The following PIK3CB variants were observed in gnomAD, a reference collection of about 807,000 sequenced individuals.
PIK3CB encodes phosphatidylinositol 4,5-bisphosphate 3-kinase catalytic subunit beta isoform.
In PIK3CB, 39 loss-of-function variants were observed where a neutral mutation model predicts 136.8. The observed-to-expected ratio is 0.29, with a 90% CI of 0.22 to 0.37. The LOEUF (loss-of-function observed/expected upper bound fraction) is 0.37, where lower values mean the gene tolerates loss of function less well. Ranked by LOEUF, PIK3CB falls within the 10% of genes least tolerant of loss-of-function variation. The pLI is 1.00. For synonymous variants in PIK3CB, 428 were observed against 436.6 expected (o/e 0.98, Z 0.25); for missense variants, 868 against 1,275.4 (o/e 0.68, Z 4.87).
chr3:138,792,849 C>T (rs1039191912), intron 2 of PIK3CB, among the ~76,000 whole-genome samples: 1 of 152,152 alleles, frequency 6.6e-6, no homozygotes, highest in African/African-American at 2.4e-5. Context: ...CCAATTACAG[C>T]TCACTGCAAC....
At chr3:138,755,152 T>C (rs2045542231) in intron 4 of PIK3CB, among the ~76,000 whole-genome samples, 1 of 152,222 alleles carries the variant, frequency 6.6e-6, no homozygotes, top group Non-Finnish European at 1.5e-5. Context: ...TGTCAATAAT[T>C]TATTTATGGA....
chr3:138,664,441 A>C (rs1190775795), intron 20 of PIK3CB, among the ~76,000 whole-genome samples: 1 of 152,090 alleles, frequency 6.6e-6, no homozygotes. Context: ...CATTTAAGTC[A>C]CTGATTTCAA....
chr3:138,827,067 CAATAAATA>C (rs10651373), intron 1 of PIK3CB, among the ~76,000 whole-genome samples: 2 of 151,102 alleles, frequency 1.3e-5, no homozygotes, highest in Non-Finnish European at 2.9e-5. Flanking sequence ...AAAACTCGGT[CAATAAATA>C]AATAAATAAA....
chr3:138,677,672 G>A (rs1453499531), intron 19 of PIK3CB, among the ~76,000 whole-genome samples: 2 of 152,160 alleles, frequency 1.3e-5, no homozygotes, highest in Non-Finnish European at 2.9e-5. Flanking sequence ...CAAGGCGGGC[G>A]GATCACCTGA....
intron 4 of PIK3CB, among the ~76,000 whole-genome samples, chr3:138,743,322 A>G (rs2045281759): frequency 6.6e-6 from 1 of 152,150 alleles, no homozygotes; most frequent in African/African-American, 2.4e-5. Flanking sequence ...TGTGAACCTA[A>G]AACTGTTCAT....
At chr3:138,732,073 A>G (rs2044988439) in intron 8 of PIK3CB, among the ~76,000 whole-genome samples, 1 of 152,148 alleles carries the variant, frequency 6.6e-6, no homozygotes, top group Non-Finnish European at 1.5e-5. Context: ...CTAAAATTGC[A>G]TATATTTAAG....
chr3:138,828,077 C>T (rs901556952), intron 1 of PIK3CB, among the ~76,000 whole-genome samples: 3 of 151,386 alleles, frequency 2.0e-5, no homozygotes, highest in Non-Finnish European at 2.9e-5. Context: ...AAATCCGGAA[C>T]CAAAAAAAGG....
intron 2 of PIK3CB, among the ~76,000 whole-genome samples, chr3:138,772,702 G>A (rs1430046989): frequency 6.7e-6 from 1 of 148,826 alleles, no homozygotes; most frequent in Non-Finnish European, 1.5e-5. Flanking sequence ...TTGAACTCCT[G>A]AGCTCAAGCA....
intron 1 of PIK3CB, among the ~76,000 whole-genome samples, chr3:138,821,522 C>A (rs1347951763): frequency 6.6e-6 from 1 of 151,906 alleles, no homozygotes; most frequent in African/African-American, 2.4e-5. Context: ...TGGCGGCTCA[C>A]GTCTGTAATC....
intron 10 of PIK3CB, among the ~76,000 whole-genome samples, chr3:138,710,912 G>A (rs949802294): frequency 3.3e-5 from 5 of 151,642 alleles, no homozygotes; most frequent in African/African-American, 9.7e-5. Flanking sequence ...GTGAAACCCC[G>A]TCTCTATTAA....
chr3:138,795,361 C>T (rs1211860056), intron 2 of PIK3CB, among the ~76,000 whole-genome samples: 1 of 147,398 alleles, frequency 6.8e-6, no homozygotes, highest in Non-Finnish European at 1.5e-5. Flanking sequence ...GCATGGTGAC[C>T]CATGCCTATA....
intron 19 of PIK3CB, among the ~76,000 whole-genome samples, chr3:138,673,324 T>TA (rs140005909): frequency 5.9e-5 from 9 of 151,484 alleles, no homozygotes; most frequent in East Asian, 1.9e-4. Flanking sequence ...AAAATGGTGA[T>TA]AAAAAAAAGA....
intron 8 of PIK3CB, among the ~76,000 whole-genome samples, chr3:138,730,484 A>G (rs2044946592): frequency 6.6e-6 from 1 of 152,220 alleles, no homozygotes; most frequent in Non-Finnish European, 1.5e-5. Context: ...GATAACCTGC[A>G]AATGGGAAGA....
At chr3:138,788,109 G>T (rs1026009973) in intron 2 of PIK3CB, among the ~76,000 whole-genome samples, 3 of 151,828 alleles carry the variant, frequency 2.0e-5, no homozygotes, top group African/African-American at 7.2e-5. Context: ...TTTTGGTGGA[G>T]ATGGGGTTTT....
intron 10 of PIK3CB, among the ~76,000 whole-genome samples, chr3:138,707,956 C>T (rs191714): frequency 0.58 from 87,680 of 151,946 alleles, 26,093 homozygotes; most frequent in East Asian, 0.98. Context: ...GAGTTCGCAT[C>T]ATATAATTTT....
chr3:138,778,771 C>A, intron 2 of PIK3CB: 1 of 276,000 alleles, frequency 3.6e-6, no homozygotes, highest in East Asian at 1.0e-4. Flanking sequence ...AATTTGGCTA[C>A]AGCAACAGGG....
intron 1 of PIK3CB, among the ~76,000 whole-genome samples, chr3:138,819,890 C>T (rs181756813): frequency 5.3e-5 from 8 of 152,264 alleles, no homozygotes; most frequent in Non-Finnish European, 8.8e-5. Flanking sequence ...GCAGGAGAAT[C>T]GCTTGAACCT....
In PIK3CB at chr3:138,737,390, G is replaced by GCT. The variant is rs1431847794; in HGVS notation, c.801+316_801+317insAG. Among the ~76,000 whole-genome samples, 27 of 67,710 alleles carry GCT rather than the reference G, an allele frequency of 4.0e-4. 3 individuals carry two copies. The South Asian group carries it at 4.6e-3, about 12-fold the overall frequency. 44.4% of individuals were successfully genotyped at this position (67,710 alleles called of 152,430 possible). On this transcript the variant is annotated intron_variant, in intron 6 of 23. Transcript: ENST00000674063. ...AGCCTAGGCGACAGAGCAACACTCTGTCTCAAAAAAAAAAAAAAAAAAAAA... is the reference window on the plus strand; with the variant it reads ...AGCCTAGGCGACAGAGCAACACTCTGCTTCTCAAAAAAAAAAAAAAAAAAAAA...
chr3:138,787,701 G>T (rs537144373), intron 2 of PIK3CB, among the ~76,000 whole-genome samples: 1 of 149,304 alleles, frequency 6.7e-6, no homozygotes, highest in African/African-American at 2.5e-5. Flanking sequence ...TTTCCAAACA[G>T]GAGGTTAACA....
Sources: gnomAD v4.1 joint callset for allele counts (sites outside exome capture counted in the v4.1 genomes callset) on GRCh38, gnomAD v4.1.1 for gene constraint, MANE v1.5 for transcripts, NCBI Gene and HGNC (gene_info 2026-07-23, HGNC 2026-07-21) for gene names.